Variants in SLC38A4 observed in about 807,000 individuals in gnomAD.
The protein encoded by SLC38A4 is solute carrier family 38 member 4, also known as sodium-coupled neutral amino acid transporter 4.
SLC38A4 carries 20 observed loss-of-function variants against 63.1 expected under a neutral mutation model. That is an observed-to-expected ratio of 0.32 (90% CI 0.22 to 0.46). SLC38A4 has a LOEUF of 0.46. Ranked by LOEUF, SLC38A4 falls within the 20% of genes least tolerant of loss-of-function variation. SLC38A4 has a pLI of 1.00. For synonymous variants in SLC38A4, 230 were observed against 225.5 expected, an observed-to-expected ratio of 1.02 and a Z score of -0.18; for missense variants, 526 against 663.6, an observed-to-expected ratio of 0.79 and a Z score of 2.28.
In SLC38A4 at chr12:46,792,989, A is replaced by T. The variant is rs1938922171; in HGVS notation, c.83T>A (p.Ile28Asn). Residue 28 changes from isoleucine to asparagine, a missense_variant, in exon 3 of 17, where the codon ATC becomes AAC. Coordinates refer to ENST00000266579, the MANE Select transcript of SLC38A4 (RefSeq NM_018018.5). ...TGCCTTTTCTGAATTTCCTATCCCGATGTAGCTATCTGGAGCACTTTCTCC... is the reference window on the plus strand; with the variant it reads ...TGCCTTTTCTGAATTTCCTATCCCGTTGTAGCTATCTGGAGCACTTTCTCC... ...SSGESAPDSY[I>N]GIGNSEKAAM... The T allele has an allele frequency of 3.1e-6, 5 of 1,613,096 alleles. No individual in the cohort carries two copies. The Admixed American group carries it at 5.0e-5, about 16-fold the overall frequency.
At chr12:46,802,104 G>T (rs1939143167) in intron 2 of SLC38A4, among the ~76,000 whole-genome samples, 1 of 152,030 alleles carries the variant, frequency 6.6e-6, no homozygotes, top group South Asian at 2.1e-4. Context: ...ATTTGATGAG[G>T]TATAAAGGAC....
intron 6 of SLC38A4, 80 bp downstream of exon 6, chr12:46,785,024 C>T (rs1360653928): frequency 4.4e-6 from 5 of 1,134,712 alleles, no homozygotes; most frequent in Non-Finnish European, 6.7e-6. Context: ...TATAATCATC[C>T]TAAGGTTATG....
At chr12:46,798,463 C>T (rs1306001891) in intron 2 of SLC38A4, among the ~76,000 whole-genome samples, 2 of 152,120 alleles carry the variant, frequency 1.3e-5, no homozygotes, top group Admixed American at 6.6e-5. Context: ...TTAATTTATC[C>T]AGCCCCTCTA....
intron 1 of SLC38A4, among the ~76,000 whole-genome samples, chr12:46,811,163 G>A (rs763741837): frequency 2.6e-5 from 4 of 151,946 alleles, no homozygotes; most frequent in Non-Finnish European, 5.9e-5. Context: ...TTTTATGCTA[G>A]GGGCTAAGGC....
intron 11 of SLC38A4, 60 bp downstream of exon 11, chr12:46,778,441 T>C: frequency 1.9e-6 from 3 of 1,609,998 alleles, no homozygotes; most frequent in Non-Finnish European, 2.5e-6. Context: ...CTCAGTTTAT[T>C]GAATAAAAAC....
rs1938262213 is a variant in SLC38A4, at chr12:46,764,787, T to C, written c.*1914A>G. ...TCATTTGAAAAGTTCATTTATTATA[T>C]ACCAATATACACTTTCTGTAATAAA... On this transcript the variant is annotated 3_prime_UTR_variant, in exon 17 of 17. Coordinates refer to ENST00000266579, the MANE Select transcript of SLC38A4 (RefSeq NM_018018.5). The C allele has an allele frequency of 6.6e-6, 1 of 152,314 alleles. No individual in the cohort carries two copies. Among genetic ancestry groups the C allele is most frequent in the African/African-American group, 2.4e-5 (1 of 41,458 alleles). The allele number at this position is 152,314 out of a possible 1,614,324, so 9.4% of individuals were successfully genotyped here. A position where few individuals can be genotyped will look rare whatever the true frequency, so the allele number is the denominator to read the frequency against.
intron 12 of SLC38A4, among the ~76,000 whole-genome samples, chr12:46,777,883 G>C (rs958380673): frequency 6.6e-6 from 1 of 152,020 alleles, no homozygotes; most frequent in African/African-American, 2.4e-5. Context: ...GTTAGGTGCT[G>C]ACTATAAATG....
At chr12:46,769,231 T>G in intron 15 of SLC38A4, 53 bp downstream of exon 15, 2 of 1,599,390 alleles carry the variant, frequency 1.3e-6, no homozygotes, top group South Asian at 2.2e-5. Context: ...CTGTCCATCA[T>G]TTAATGAGGC....
chr12:46,776,549 A>T (rs1479423263), intron 13 of SLC38A4, among the ~76,000 whole-genome samples: 2 of 152,038 alleles, frequency 1.3e-5, no homozygotes, highest in Non-Finnish European at 2.9e-5. Context: ...TAATAATTCC[A>T]TCAAAGGAGC....
At chr12:46,824,899 C>T (rs1939616472) in intron 1 of SLC38A4, among the ~76,000 whole-genome samples, 1 of 152,254 alleles carries the variant, frequency 6.6e-6, no homozygotes, top group South Asian at 2.1e-4. Flanking sequence ...ACTATACACA[C>T]ATTATTCCAA....
At chr12:46,820,624 G>A (rs1018211912) in intron 1 of SLC38A4, among the ~76,000 whole-genome samples, 9 of 152,136 alleles carry the variant, frequency 5.9e-5, no homozygotes, top group East Asian at 1.9e-4. Context: ...TGTGAATAGC[G>A]CAGCAATGAA....
At chr12:46,778,241 A>T in intron 12 of SLC38A4, 48 bp downstream of exon 12, 3 of 1,556,238 alleles carry the variant, frequency 1.9e-6, no homozygotes, top group Non-Finnish European at 2.7e-6. Context: ...TGAACATATG[A>T]GCAGAATTTC....
intron 5 of SLC38A4, among the ~76,000 whole-genome samples, chr12:46,785,679 A>C (rs1938743673): frequency 6.6e-6 from 1 of 150,708 alleles, no homozygotes; most frequent in Non-Finnish European, 1.5e-5. Flanking sequence ...ATAGAGGGGC[A>C]GGCAGTTGCA....
rs764586639 is a variant in SLC38A4, at chr12:46,766,726, T to C, written c.1619A>G (p.Asp540Gly). The C allele has an allele frequency of 5.2e-5, 84 of 1,611,246 alleles. No individual in the cohort carries two copies. In the Middle Eastern group the frequency reaches 6.6e-4, roughly 13 times the overall value. ...MALIIIDWIYDPPNSKHH is the reference protein window; with the variant it reads ...MALIIIDWIYGPPNSKHH Reference sequence around the variant, plus strand: ...TTAGTGATGCTTGGAATTTGGAGGATCATAAATCCAGTCAATTATAATGAG... The same window carrying C: ...TTAGTGATGCTTGGAATTTGGAGGACCATAAATCCAGTCAATTATAATGAG... The change falls in exon 17 of 17, where the codon GAT becomes GGT. Residue 540 changes from aspartate (D) to glycine (G), a missense_variant. Asp to Gly is a moderately conservative substitution (Grantham distance 94, BLOSUM62 -1). Transcript: ENST00000266579.
In SLC38A4 at chr12:46,788,988, C is replaced by G. The variant is rs75762073; in HGVS notation, c.120-370G>C. 5.7e-3 allele frequency among the ~76,000 whole-genome samples: 869 copies of G among 152,212 alleles called. 9 individuals are homozygous for G. The highest frequency in any genetic ancestry group is 0.02 in the African/African-American group (816 of 41,550). On this transcript the variant is annotated intron_variant, in intron 3 of 16. Transcript: ENST00000266579. ...ATGACAGAATTTTCTGAACTACTAC[C>G]ATACCATAATCAGATGATTTTATTA...
At chr12:46,825,738 T>C (rs1193359089) in intron 1 of SLC38A4, among the ~76,000 whole-genome samples, 165 bp downstream of exon 1, 2 of 152,208 alleles carry the variant, frequency 1.3e-5, no homozygotes, top group Non-Finnish European at 2.9e-5. Context: ...GAAACGCTTC[T>C]TAAAAGCAAG....
intron 12 of SLC38A4, among the ~76,000 whole-genome samples, chr12:46,777,884 A>G (rs1938562959): frequency 6.6e-6 from 1 of 152,044 alleles, no homozygotes; most frequent in African/African-American, 2.4e-5. Context: ...TTAGGTGCTG[A>G]CTATAAATGA....
At position 46,824,651 on chromosome 12, in the gene SLC38A4, C is replaced by G. The variant is rs140474595; in HGVS notation, c.-305+1252G>C. Among the ~76,000 whole-genome samples the G allele has an allele frequency of 3.9e-5, 6 of 152,244 alleles. No homozygotes were observed. In the East Asian group the frequency reaches 1.2e-3, roughly 29 times the overall value. On this transcript the variant is annotated intron_variant, in intron 1 of 16. Transcript: ENST00000266579. ...CAAGTTGAGTGTAAAAAGAAAAAAA[C>G]TCAGTCTCAAAAAGATCACATGCAG...
intron 7 of SLC38A4, among the ~76,000 whole-genome samples, chr12:46,783,044 G>GTGTC (rs1348390393): frequency 1.5e-5 from 2 of 130,738 alleles, no homozygotes; most frequent in African/African-American, 5.4e-5. Context: ...GTGTGTGTGT[G>GTGTC]TGTGTGTGTG....
Sources: gnomAD v4.1 joint callset for allele counts (sites outside exome capture counted in the v4.1 genomes callset) on GRCh38, gnomAD v4.1.1 for gene constraint, MANE v1.5 for transcripts, NCBI Gene and HGNC (gene_info 2026-07-23, HGNC 2026-07-21) for gene names.